The following SLIRP variants were observed in gnomAD, a reference collection of about 807,000 sequenced individuals.
The protein encoded by SLIRP is SRA stem-loop interacting RNA binding protein.
Under a neutral mutation model 13.4 loss-of-function variants are expected in SLIRP, and 12 were observed. The ratio of observed to expected loss-of-function variants is 0.89; its 90% CI spans 0.57 to 1.45. SLIRP has a LOEUF of 1.45. Among genes scored for constraint, SLIRP ranks in the 40% most tolerant of loss-of-function variants. The probability of loss-of-function intolerance (pLI) is 0.00; values close to 1 mark genes in which losing one functional copy is unlikely to be tolerated. For missense variants in SLIRP, 154 were observed against 132.2 expected (o/e 1.17, Z -0.81); for synonymous variants, 55 against 47.1 (o/e 1.17, Z -0.69).
At chr14:77,714,983 A>C (rs1288863685) in intron 2 of SLIRP, among the ~76,000 whole-genome samples, 1 of 152,230 alleles carries the variant, frequency 6.6e-6, no homozygotes, top group Non-Finnish European at 1.5e-5. Context: ...AAATTGTTTA[A>C]ATTAACCAGA....
intron 1 of SLIRP, among the ~76,000 whole-genome samples, chr14:77,709,277 T>C (rs1382296013): frequency 1.3e-5 from 2 of 152,242 alleles, no homozygotes; most frequent in Non-Finnish European, 2.9e-5. Context: ...TTTGTAGATA[T>C]TCATGTTTCA....
intron 2 of SLIRP, 90 bp from the exon 3 acceptor site, chr14:77,715,682 G>T: frequency 9.4e-7 from 1 of 1,064,954 alleles, no homozygotes; most frequent in Non-Finnish European, 1.4e-6. Context: ...TCCGATTTTT[G>T]GCAGATGAAA....
chr14:77,715,944 A>T lies in SLIRP; in HGVS notation c.264+65A>T. 3 of 1,176,038 alleles carry T rather than the reference A, an allele frequency of 2.6e-6. No individual in the cohort carries two copies. The East Asian group carries it at 7.1e-5, about 28-fold the overall frequency. The allele number at this position is 1,176,038 out of a possible 1,614,324, so 72.9% of individuals were successfully genotyped here. ...TGTAGGTACTATTTAATTATGTATC[A>T]ATTAAATAGATCATAAATGTGGAAT... On this transcript the variant is annotated intron_variant, in intron 3 of 3. Coordinates refer to ENST00000557342, the MANE Select transcript of SLIRP (RefSeq NM_031210.6).
At chr14:77,710,780 C>T (rs2080433657) in intron 1 of SLIRP, 58 bp from the exon 2 acceptor site, 10 of 1,606,390 alleles carry the variant, frequency 6.2e-6, no homozygotes, top group Non-Finnish European at 7.7e-6. Flanking sequence ...TTTCTACAGT[C>T]TAAGATAGAG....
At chr14:77,715,356 A>G (rs1336736886) in intron 2 of SLIRP, among the ~76,000 whole-genome samples, 1 of 152,028 alleles carries the variant, frequency 6.6e-6, no homozygotes, top group African/African-American at 2.4e-5. Context: ...CTGTGATCCG[A>G]TTTTTGGCTG....
At chr14:77,710,631 C>A in intron 1 of SLIRP, 1 of 1,522,504 alleles carries the variant, frequency 6.6e-7, no homozygotes, top group Admixed American at 2.0e-5. Flanking sequence ...GCAGCCAACT[C>A]AACAACTTCT....
rs199752740 is a variant in SLIRP at position 77,715,845 on chromosome 14, T to A, written c.230T>A (p.Leu77Gln). 379 of 1,613,948 alleles carry A rather than the reference T, an allele frequency of 2.3e-4. No homozygotes were observed. In the Middle Eastern group the frequency reaches 3.1e-3, roughly 13 times the overall value. Residue 77 changes from leucine (L) to glutamine (Q), a missense_variant, in exon 3 of 4, where the codon CTA becomes CAA. Leu to Gln is a moderately radical substitution (Grantham distance 113, BLOSUM62 -2). Coordinates refer to ENST00000557342, the MANE Select transcript of SLIRP (RefSeq NM_031210.6). ...TCAGAAGAAGGACTTCGGAATGCAC[T>A]ACAACAGGAAAATCATATTATAGAT... is the stretch of plus-strand genomic sequence containing the variant. Reference protein sequence around the residue: ...FSSEEGLRNALQQENHIIDGV... With the variant: ...FSSEEGLRNAQQQENHIIDGV...
In SLIRP at chr14:77,708,168, G is replaced by A; in HGVS notation, c.57G>A (p.Pro19=). 1 of 1,614,148 alleles carries A rather than the reference G, an allele frequency of 6.2e-7. No homozygotes were observed. The highest frequency in any genetic ancestry group is 8.5e-7 in the Non-Finnish European group (1 of 1,180,032). ...AAALRRSINQ[P]VAFVRRIPWT... ...CGCTGCGTAGAAGTATCAATCAGCC[G>A]GTTGCTTTTGTGAGAAGAATTCCTT... Residue 19 remains proline, a synonymous_variant, in exon 1 of 4, where the codon CCG becomes CCA. Coordinates refer to ENST00000557342, the MANE Select transcript of SLIRP (RefSeq NM_031210.6).
chr14:77,709,471 G>A (rs1348044631), intron 1 of SLIRP, among the ~76,000 whole-genome samples: 1 of 152,192 alleles, frequency 6.6e-6, no homozygotes, highest in Admixed American at 6.5e-5. Context: ...AAAGGCTGAG[G>A]AGTTTCATTA....
intron 2 of SLIRP, among the ~76,000 whole-genome samples, chr14:77,712,523 C>T (rs1291506685): frequency 6.7e-6 from 1 of 149,802 alleles, no homozygotes; most frequent in East Asian, 2.0e-4. Context: ...CGGCTCACCA[C>T]AAGCTCTGCC....
At position 77,708,129 on chromosome 14, in the gene SLIRP, G is replaced by A. The variant is rs770630632; in HGVS notation, c.18G>A (p.Ala6=). The A allele has an allele frequency of 6.2e-7, 1 of 1,614,112 alleles. No individual in the cohort carries two copies. The highest frequency in any genetic ancestry group is 1.7e-5 in the Admixed American group (1 of 60,018). MAASA[A]RGAAALRRSI... ...GTCTGAAGATGGCGGCCTCAGCAGC[G>A]AGAGGTGCTGCGGCGCTGCGTAGAA... is the stretch of plus-strand genomic sequence containing the variant. Residue 6 remains alanine, a synonymous_variant, in exon 1 of 4, where the codon GCG becomes GCA. Transcript: ENST00000557342.
Position 77,708,220 on chromosome 14 carries a change from A to C in SLIRP, c.97+12A>C. 1 of 1,613,152 alleles carries C rather than the reference A, an allele frequency of 6.2e-7. No homozygotes were observed. The highest frequency in any genetic ancestry group is 1.1e-5 in the South Asian group (1 of 91,052). ...GACTGCGGCGTCGAGTGAGTGATGG[A>C]GATGTGGGAGTAGTGGAATTTTTAG... On this transcript the variant is annotated intron_variant, in intron 1 of 3. Transcript: ENST00000557342.
Position 77,708,205 on chromosome 14 carries a change from T to G in SLIRP, c.94T>G (p.Ser32Ala). 1 of 1,614,084 alleles carries G rather than the reference T, an allele frequency of 6.2e-7. No individual in the cohort carries two copies. The highest frequency in any genetic ancestry group is 1.1e-5 in the South Asian group (1 of 91,080). The change falls in exon 1 of 4, where the codon TCG becomes GCG. Residue 32 changes from serine to alanine, a missense_variant. By Grantham distance (99) the Ser-to-Ala change is moderately conservative (BLOSUM62 1). Transcript: ENST00000557342. ...GAGAAGAATTCCTTGGACTGCGGCG[T>G]CGAGTGAGTGATGGAGATGTGGGAG... ...FVRRIPWTAA[S>A]SQLKEHFAQF...
At position 77,714,594 on chromosome 14, in the gene SLIRP, A is replaced by G. The variant is rs374961632; in HGVS notation, c.157-1178A>G. Among the ~76,000 whole-genome samples the G allele has an allele frequency of 5.8e-4, 89 of 152,326 alleles. 2 individuals are homozygous for G. In the South Asian group the frequency reaches 0.017, roughly 28 times the overall value. The stretch of plus-strand genomic sequence containing the variant: ...GGGATTGAGCCACTGCACCTGGCCT[A>G]TGTTTTAATATAAACAAATTTCTTA... On this transcript the variant is annotated intron_variant, in intron 2 of 3. Coordinates refer to ENST00000557342, the MANE Select transcript of SLIRP (RefSeq NM_031210.6).
intron 1 of SLIRP, among the ~76,000 whole-genome samples, chr14:77,710,250 G>A (rs915858235): frequency 2.0e-5 from 3 of 152,102 alleles, no homozygotes; most frequent in African/African-American, 7.2e-5. Flanking sequence ...GGGTCTTGAA[G>A]GATAGTTATA....
chr14:77,709,137 C>T (rs2080419931), intron 1 of SLIRP, among the ~76,000 whole-genome samples: 1 of 152,146 alleles, frequency 6.6e-6, no homozygotes, highest in Non-Finnish European at 1.5e-5. Context: ...CGGGAGAGGC[C>T]TAGTCTACAG....
chr14:77,709,407 T>G (rs2080422743), intron 1 of SLIRP, among the ~76,000 whole-genome samples: 1 of 152,204 alleles, frequency 6.6e-6, no homozygotes, highest in Non-Finnish European at 1.5e-5. Flanking sequence ...AAACATGTGG[T>G]TGGTGAAGAC....
chr14:77,715,826 G>A lies in SLIRP; in HGVS notation c.211G>A (p.Glu71Lys). Residue 71 changes from glutamate (E) to lysine (K), a missense_variant, in exon 3 of 4, where the codon GAA (glutamate) becomes AAA (lysine). Glu to Lys is a moderately conservative substitution (Grantham distance 56, BLOSUM62 1). Coordinates refer to ENST00000557342, the MANE Select transcript of SLIRP (RefSeq NM_031210.6). ...GGGTTGGGTTCAGTTTTCTTCAGAA[G>A]AAGGACTTCGGAATGCACTACAACA... Reference protein sequence around the residue: ...GLGWVQFSSEEGLRNALQQEN... With the variant: ...GLGWVQFSSEKGLRNALQQEN... 1 of 1,614,132 alleles carries A rather than the reference G, an allele frequency of 6.2e-7. No individual in the cohort carries two copies. Among genetic ancestry groups the A allele is most frequent in the Non-Finnish European group, 8.5e-7 (1 of 1,180,022 alleles).
chr14:77,712,117 A>G (rs2080445204), intron 2 of SLIRP: 2 of 152,186 alleles, frequency 1.3e-5, no homozygotes, highest in Non-Finnish European at 2.9e-5. Flanking sequence ...AAAACAACAC[A>G]TCTCTCACAG....
Sources: gnomAD v4.1 joint callset for allele counts (sites outside exome capture counted in the v4.1 genomes callset) on GRCh38, gnomAD v4.1.1 for gene constraint, MANE v1.5 for transcripts, NCBI Gene and HGNC (gene_info 2026-07-23, HGNC 2026-07-21) for gene names.